The following PARP16 variants were observed in gnomAD, a reference collection of about 807,000 sequenced individuals.
PARP16 encodes poly(ADP-ribose) polymerase family member 16, also known as protein mono-ADP-ribosyltransferase PARP16.
PARP16 carries 31 observed loss-of-function variants against 35.0 expected under a neutral mutation model. The observed-to-expected ratio is 0.88, with a 90% CI of 0.66 to 1.19. PARP16 has a LOEUF of 1.19. Ranked by LOEUF, PARP16 falls within the 50% of genes most tolerant of loss-of-function variation. The probability of loss-of-function intolerance (pLI) is 0.00; values close to 1 mark genes in which losing one functional copy is unlikely to be tolerated. For synonymous variants in PARP16, 162 were observed against 169.5 expected (o/e 0.96, Z 0.34); for missense variants, 424 against 411.2 (o/e 1.03, Z -0.27).
chr15:65,244,454 A>G (rs957409369), intron 3 of PARP16, among the ~76,000 whole-genome samples: 1 of 152,150 alleles, frequency 6.6e-6, no homozygotes, highest in Admixed American at 6.6e-5. Context: ...AGCAGGCAAG[A>G]GAGTGTGTGC....
chr15:65,260,871 C>T lies in PARP16; in HGVS notation c.833+14G>A, dbSNP rs1475007850. The T allele has an allele frequency of 6.2e-7, 1 of 1,612,918 alleles. No homozygotes were observed. Among genetic ancestry groups the T allele is most frequent in the Non-Finnish European group, 8.5e-7 (1 of 1,179,162 alleles). ...ACTCTGAATACAGCCATTAGTTGTT[C>T]TCTTGGACCTTACCTCTTGGGTGGC... On this transcript the variant is annotated intron_variant, in intron 5 of 5. Transcript: ENST00000649807.
chr15:65,271,083 G>C lies in PARP16; in HGVS notation c.175-11C>G, dbSNP rs371167538. On this transcript the variant is annotated splice_polypyrimidine_tract_variant and intron_variant, in intron 1 of 5. Coordinates refer to ENST00000649807, the MANE Select transcript of PARP16 (RefSeq NM_001316943.2). Reference sequence around the variant, plus strand: ...GCTGGCATCTGCAAGCTGAAGCGACGGAAGAACTTCCATTAGCAAGGATCC... The same window carrying C: ...GCTGGCATCTGCAAGCTGAAGCGACCGAAGAACTTCCATTAGCAAGGATCC... 3.7e-6 allele frequency: 6 copies of C among 1,613,688 alleles called. No homozygotes were observed. The African/African-American group carries it at 5.3e-5, about 14-fold the overall frequency.
At chr15:65,268,762 C>T (rs1192201115) in intron 2 of PARP16, among the ~76,000 whole-genome samples, 1 of 148,868 alleles carries the variant, frequency 6.7e-6, no homozygotes, top group Non-Finnish European at 1.5e-5. Context: ...GTGGTTTTTT[C>T]TTTTTTTTTT....
chr15:65,259,562 G>A lies in PARP16; in HGVS notation c.834-20C>T, dbSNP rs200287977. 2.5e-6 allele frequency: 4 copies of A among 1,610,774 alleles called. No individual in the cohort carries two copies. The highest frequency in any genetic ancestry group is 3.4e-6 in the Non-Finnish European group (4 of 1,178,272). Reference sequence around the variant, plus strand: ...GAAGCCCTGCTTAAGAGGGAAAAAAGAGTGGTGTTGGCAAAAAGAGAAAAA... The same window carrying A: ...GAAGCCCTGCTTAAGAGGGAAAAAAAAGTGGTGTTGGCAAAAAGAGAAAAA... On this transcript the variant is annotated intron_variant, in intron 5 of 5. Coordinates refer to ENST00000649807, the MANE Select transcript of PARP16 (RefSeq NM_001316943.2).
At chr15:65,235,524 C>G (rs2088852908) in intron 3 of PARP16, among the ~76,000 whole-genome samples, 1 of 151,502 alleles carries the variant, frequency 6.6e-6, no homozygotes, top group Non-Finnish European at 1.5e-5. Flanking sequence ...AATTTGCCGG[C>G]CAGGCATGGT....
Position 65,258,701 on chromosome 15 carries a change from A to G in PARP16, c.*706T>C, listed in dbSNP as rs1469631860. ...AACATTTGGTTCCATTTCAGCTGTA[A>G]TCAGCAGTTGGTAATTTTTGGAAAA... is the stretch of plus-strand genomic sequence containing the variant. On this transcript the variant is annotated 3_prime_UTR_variant, in exon 6 of 6. Coordinates refer to ENST00000649807, the MANE Select transcript of PARP16 (RefSeq NM_001316943.2). 1.3e-5 allele frequency: 2 copies of G among 152,622 alleles called. No homozygotes were observed. The highest frequency in any genetic ancestry group is 3.8e-4 in the East Asian group (2 of 5,196). The allele number at this position is 152,622 out of a possible 1,614,324, so 9.5% of individuals were successfully genotyped here.
intron 3 of PARP16, chr15:65,234,855 A>G (rs2088834007): frequency 6.6e-6 from 1 of 152,378 alleles, no homozygotes. Context: ...GAGATTTAAA[A>G]AAATTTAAAA....
rs946366673 is a variant in PARP16 at position 65,263,318 on chromosome 15, T to A, written c.522A>T (p.Thr174=). ...HNGLHCHLNK[T]SLFGEGTYLT... ...GGTAGGTCCCCTCTCCGAACAAGGA[T>A]GTCTGCAACAGCAAGGCCAATGGAA... The change falls in exon 4 of 6, where the codon ACA becomes ACT. Residue 174 remains threonine (T), a splice_region_variant and synonymous_variant. Coordinates refer to ENST00000649807, the MANE Select transcript of PARP16 (RefSeq NM_001316943.2). 2.5e-6 allele frequency: 4 copies of A among 1,580,410 alleles called. No homozygotes were observed. The East Asian group carries it at 9.0e-5, about 36-fold the overall frequency.
intron 2 of PARP16, among the ~76,000 whole-genome samples, chr15:65,269,802 A>G (rs1254139224): frequency 1.3e-5 from 2 of 152,232 alleles, no homozygotes; most frequent in Non-Finnish European, 2.9e-5. Flanking sequence ...CTGGTCCACA[A>G]TCAAAAGTCT....
downstream of PARP16, among the ~76,000 whole-genome samples, chr15:65,233,508 G>T (rs181445337): frequency 2.7e-3 from 411 of 152,314 alleles, 3 homozygotes; most frequent in African/African-American, 9.5e-3. Context: ...GGAGGCCAGG[G>T]CAGGCAGATC....
chr15:65,265,230 C>G (rs895628103), intron 3 of PARP16, among the ~76,000 whole-genome samples: 12 of 152,254 alleles, frequency 7.9e-5, no homozygotes, highest in African/African-American at 2.4e-4. Context: ...TGCAGCTCCT[C>G]CAACTACCCT....
intron 1 of PARP16, among the ~76,000 whole-genome samples, chr15:65,280,267 T>C (rs1010037590): frequency 3.3e-5 from 5 of 151,746 alleles, no homozygotes; most frequent in African/African-American, 1.2e-4. Flanking sequence ...TGAAACCCCA[T>C]CTCTACTAAA....
intron 3 of PARP16, among the ~76,000 whole-genome samples, chr15:65,238,223 G>A (rs2140720080): frequency 6.6e-6 from 1 of 152,294 alleles, no homozygotes; most frequent in Middle Eastern, 3.4e-3. Context: ...GGCAGAGTTT[G>A]CAGTGAGCTG....
chr15:65,276,611 CCAGCCT>C (rs1165727045), intron 1 of PARP16, among the ~76,000 whole-genome samples: 2 of 152,152 alleles, frequency 1.3e-5, no homozygotes, highest in African/African-American at 4.8e-5. Context: ...ATGCAATCCA[CCAGCCT>C]CAGCCTCACA....
chr15:65,264,730 G>GT (rs1298052373), intron 3 of PARP16, among the ~76,000 whole-genome samples: 2 of 152,208 alleles, frequency 1.3e-5, no homozygotes, highest in Non-Finnish European at 2.9e-5. Flanking sequence ...GCCATGAGCA[G>GT]TGGTGTACAA....
intron 1 of PARP16, among the ~76,000 whole-genome samples, chr15:65,281,934 C>T (rs1347035191): frequency 6.6e-6 from 1 of 152,202 alleles, no homozygotes; most frequent in Non-Finnish European, 1.5e-5. Flanking sequence ...TAACACCTCA[C>T]AGTGTGGACA....
intron 3 of PARP16, 61 bp from the exon 4 acceptor site, chr15:65,263,381 A>C (rs553393163): frequency 3.3e-4 from 457 of 1,376,464 alleles, no homozygotes; most frequent in Non-Finnish European, 4.4e-4. Flanking sequence ...TTGGCACGGC[A>C]AGACGACACA....
intron 3 of PARP16, among the ~76,000 whole-genome samples, chr15:65,243,215 T>C (rs1297388850): frequency 1.3e-5 from 2 of 152,182 alleles, no homozygotes; most frequent in Non-Finnish European, 2.9e-5. Flanking sequence ...TTCTCAATCT[T>C]AGAGTGAAAG....
At chr15:65,243,024 C>T (rs771438622) in intron 3 of PARP16, among the ~76,000 whole-genome samples, 21 of 152,064 alleles carry the variant, frequency 1.4e-4, no homozygotes, top group Non-Finnish European at 2.4e-4. Flanking sequence ...CCCTCATTTA[C>T]TCATTTTAGG....
Sources: allele counts gnomAD v4.1 joint callset (sites outside exome capture counted in the v4.1 genomes callset), GRCh38; gene constraint gnomAD v4.1.1; transcripts MANE v1.5; gene names NCBI Gene and HGNC (gene_info 2026-07-23, HGNC 2026-07-21).